Variants in LRRC4C observed in about 807,000 individuals in gnomAD.
LRRC4C encodes leucine rich repeat containing 4C.
A neutral mutation model predicts 33.6 loss-of-function variants in LRRC4C; 5 were observed. That is an observed-to-expected ratio of 0.15 (90% CI 0.08 to 0.31). The LOEUF (loss-of-function observed/expected upper bound fraction) is 0.31. Among genes scored for constraint, LRRC4C ranks in the 10% least tolerant of loss-of-function variants. LRRC4C has a pLI of 1.00. For synonymous variants in LRRC4C, 329 were observed against 302.0 expected (o/e 1.09, Z -0.93); for missense variants, 560 against 796.7 (o/e 0.70, Z 3.58).
intron 2 of LRRC4C, among the ~76,000 whole-genome samples, chr11:40,818,793 A>G (rs775651051): frequency 6.6e-6 from 1 of 152,142 alleles, no homozygotes; most frequent in East Asian, 1.9e-4. Flanking sequence ...TCAGGTTCAT[A>G]ATTTCTAAAA....
At chr11:40,602,504 T>G (rs1475485461) in intron 3 of LRRC4C, among the ~76,000 whole-genome samples, 2 of 151,526 alleles carry the variant, frequency 1.3e-5, no homozygotes, top group Admixed American at 6.6e-5. Flanking sequence ...ATTATGAGAG[T>G]TAAATGCAAA....
intron 5 of LRRC4C, among the ~76,000 whole-genome samples, chr11:40,160,371 A>T (rs1021704926): frequency 7.2e-5 from 11 of 152,158 alleles, no homozygotes; most frequent in African/African-American, 2.7e-4. Context: ...AGGATCCGGT[A>T]CCTCATCACA....
chr11:40,598,595 C>T (rs886989881), intron 3 of LRRC4C, among the ~76,000 whole-genome samples: 3 of 152,186 alleles, frequency 2.0e-5, no homozygotes, highest in African/African-American at 7.2e-5. Flanking sequence ...GTGCTATCCT[C>T]ACAATAAGTC....
At chr11:40,590,926 T>C (rs1959020253) in intron 3 of LRRC4C, among the ~76,000 whole-genome samples, 1 of 152,230 alleles carries the variant, frequency 6.6e-6, no homozygotes, top group Non-Finnish European at 1.5e-5. Context: ...TACTGCTGTC[T>C]TTTTGTTTGT....
chr11:41,286,323 A>G (rs539412442), intron 1 of LRRC4C, among the ~76,000 whole-genome samples: 1 of 152,336 alleles, frequency 6.6e-6, no homozygotes, highest in South Asian at 2.1e-4. Flanking sequence ...TTTTTATTCA[A>G]GTGCTAAATT....
Position 40,968,278 on chromosome 11 carries a change from T to C in LRRC4C, c.-495-34555A>G, listed in dbSNP as rs1283417995. Among the ~76,000 whole-genome samples the C allele has an allele frequency of 2.6e-5, 4 of 152,084 alleles. No homozygotes were observed. The South Asian group carries it at 6.2e-4, about 24-fold the overall frequency. On this transcript the variant is annotated intron_variant, in intron 1 of 6. Coordinates refer to ENST00000528697, the MANE Select transcript of LRRC4C (RefSeq NM_001258419.2). ...AGTTGAAGAAGCTGCAGAAGAAAAA[T>C]AGGAAGCTAGCAGAGGTTGGTTCAC...
intron 1 of LRRC4C, among the ~76,000 whole-genome samples, chr11:41,300,485 T>C (rs1253605058): frequency 6.6e-6 from 1 of 152,188 alleles, no homozygotes; most frequent in Non-Finnish European, 1.5e-5. Flanking sequence ...TCACAGATTC[T>C]ACCACAGGTC....
rs200043868 is a variant in LRRC4C, at chr11:40,630,330, CTCTTCTTCTTCTTCTTCTTCTTCT to C, written c.-270+17788_-270+17811del. 6.3e-3 allele frequency among the ~76,000 whole-genome samples: 856 copies of C among 135,552 alleles called. 12 individuals are homozygous for C. The highest frequency in any genetic ancestry group is 0.022 in the African/African-American group (775 of 35,974). 88.9% of individuals were successfully genotyped at this position (135,552 alleles called of 152,430 possible). A position where few individuals can be genotyped will look rare whatever the true frequency, so the allele number is the denominator to read the frequency against. ...TTATTACTTGTTTTCTTTCTTCTTC[CTCTTCTTCTTCTTCTTCTTCTTCT>C]TCTTCTTCTTCTTCTTCTTCTTCTT... On this transcript the variant is annotated intron_variant, in intron 3 of 6. Transcript: ENST00000528697.
At chr11:40,860,835 C>A in intron 2 of LRRC4C, among the ~76,000 whole-genome samples, 1 of 107,388 alleles carries the variant, frequency 9.3e-6, no homozygotes, top group Non-Finnish European at 1.7e-5. Context: ...CACGATTCAA[C>A]CCATAACAGA....
At chr11:41,323,770 A>C (rs988031290) in intron 1 of LRRC4C, among the ~76,000 whole-genome samples, 1 of 152,208 alleles carries the variant, frequency 6.6e-6, no homozygotes, top group African/African-American at 2.4e-5. Flanking sequence ...AAAGATTTAA[A>C]AAGAAGTCTG....
intron 5 of LRRC4C, among the ~76,000 whole-genome samples, chr11:40,216,525 A>G (rs193290253): frequency 6.6e-6 from 1 of 152,280 alleles, no homozygotes; most frequent in East Asian, 1.9e-4. Flanking sequence ...CAAGAGGCCA[A>G]ATGAATCATT....
intron 1 of LRRC4C, among the ~76,000 whole-genome samples, chr11:41,165,802 G>T (rs1220135244): frequency 1.3e-5 from 2 of 152,052 alleles, no homozygotes; most frequent in Admixed American, 1.3e-4. Context: ...GGCCGAGGTG[G>T]GTGGACCACC....
intron 1 of LRRC4C, chr11:41,122,837 C>T (rs1942510510): frequency 6.6e-6 from 1 of 151,860 alleles, no homozygotes; most frequent in Non-Finnish European, 1.5e-5. Context: ...ATCAGGATTT[C>T]ATGGGTTTCA....
chr11:40,805,039 G>T (rs1951186651), intron 2 of LRRC4C, among the ~76,000 whole-genome samples: 1 of 152,162 alleles, frequency 6.6e-6, no homozygotes, highest in African/African-American at 2.4e-5. Flanking sequence ...TGAGTGAGAA[G>T]TATAAAACCT....
At chr11:41,145,360 T>C (rs943704034) in intron 1 of LRRC4C, among the ~76,000 whole-genome samples, 1 of 152,200 alleles carries the variant, frequency 6.6e-6, no homozygotes, top group African/African-American at 2.4e-5. Context: ...TAATTAATAA[T>C]TGAGTTTATT....
At chr11:40,336,397 C>G (rs1946603845) in intron 3 of LRRC4C, among the ~76,000 whole-genome samples, 1 of 152,112 alleles carries the variant, frequency 6.6e-6, no homozygotes, top group Non-Finnish European at 1.5e-5. Flanking sequence ...CTTCCCTTGC[C>G]TGCTTGCTAT....
intron 4 of LRRC4C, among the ~76,000 whole-genome samples, chr11:40,290,848 T>C (rs1944144920): frequency 6.6e-6 from 1 of 152,160 alleles, no homozygotes; most frequent in South Asian, 2.1e-4. Context: ...AGGTCTAAAC[T>C]GGCAGAAGTT....
chr11:40,426,619 T>C (rs1006365599), intron 3 of LRRC4C, among the ~76,000 whole-genome samples: 8 of 152,160 alleles, frequency 5.3e-5, no homozygotes, highest in African/African-American at 1.9e-4. Context: ...TATACTTTAT[T>C]TATTTATTAA....
At chr11:40,433,878 C>T (rs959720646) in intron 3 of LRRC4C, among the ~76,000 whole-genome samples, 2 of 152,084 alleles carry the variant, frequency 1.3e-5, no homozygotes, top group African/African-American at 2.4e-5. Context: ...GAAGGACTGG[C>T]TTTGTGAAAT....
Sources: allele counts gnomAD v4.1 joint callset (sites outside exome capture counted in the v4.1 genomes callset), GRCh38; gene constraint gnomAD v4.1.1; transcripts MANE v1.5; gene names NCBI Gene and HGNC (gene_info 2026-07-23, HGNC 2026-07-21).